Variants in HSD17B11 observed in about 807,000 individuals in gnomAD.
The protein encoded by HSD17B11 is estradiol 17-beta-dehydrogenase 11.
HSD17B11 carries 22 observed loss-of-function variants against 27.8 expected under a neutral mutation model. The ratio of observed to expected loss-of-function variants is 0.79; its 90% CI spans 0.56 to 1.13. HSD17B11 has a LOEUF of 1.13. HSD17B11 is among the 50% of genes most tolerant of loss of function. HSD17B11 has a pLI of 0.00. For synonymous variants in HSD17B11, 117 were observed against 132.8 expected (o/e 0.88, Z 0.82); for missense variants, 314 against 351.1 (o/e 0.89, Z 0.84).
intron 5 of HSD17B11, among the ~76,000 whole-genome samples, chr4:87,344,636 C>G (rs994888152): frequency 1.1e-3 from 166 of 152,276 alleles, no homozygotes; most frequent in African/African-American, 3.9e-3. Context: ...TTGAATAACA[C>G]TATAAATCAA....
At chr4:87,363,100 T>C (rs938780523) in intron 4 of HSD17B11, among the ~76,000 whole-genome samples, 1 of 152,120 alleles carries the variant, frequency 6.6e-6, no homozygotes, top group Non-Finnish European at 1.5e-5. Flanking sequence ...TTATCATGCA[T>C]ATTTTGCTCT....
intron 1 of HSD17B11, 100 bp downstream of exon 1, chr4:87,390,761 C>T (rs1159582282): frequency 1.3e-5 from 13 of 1,002,566 alleles, no homozygotes; most frequent in Admixed American, 1.3e-4. Context: ...TTTTTTCCTC[C>T]CTGCTTTGCA....
intron 4 of HSD17B11, among the ~76,000 whole-genome samples, chr4:87,371,221 AAAT>A (rs1435727675): frequency 6.6e-6 from 1 of 152,190 alleles, no homozygotes; most frequent in South Asian, 2.1e-4. Context: ...AAATGTTCAT[AAAT>A]AATAGAATGG....
At chr4:87,381,633 C>T (rs111954824) in intron 2 of HSD17B11, among the ~76,000 whole-genome samples, 8,457 of 151,650 alleles carry the variant, frequency 0.056, 438 homozygotes, top group African/African-American at 0.14. Context: ...GTGGCACACA[C>T]CTGTGGTCCC....
At chr4:87,364,519 ACT>A (rs889293889) in intron 4 of HSD17B11, among the ~76,000 whole-genome samples, 7 of 152,044 alleles carry the variant, frequency 4.6e-5, no homozygotes, top group South Asian at 4.2e-4. Flanking sequence ...GGGATACTTG[ACT>A]CTGCACACTT....
chr4:87,388,113 T>C (rs1329657634), intron 1 of HSD17B11, among the ~76,000 whole-genome samples: 2 of 144,170 alleles, frequency 1.4e-5, no homozygotes, highest in African/African-American at 2.6e-5. Context: ...TACTGTCTCA[T>C]AGAAATATAA....
chr4:87,384,154 G>T (rs887747911), intron 1 of HSD17B11, among the ~76,000 whole-genome samples: 1 of 152,108 alleles, frequency 6.6e-6, no homozygotes, highest in African/African-American at 2.4e-5. Flanking sequence ...CTGGAGCCGC[G>T]GCAAAGAACA....
chr4:87,369,560 C>T (rs544302862), intron 4 of HSD17B11, among the ~76,000 whole-genome samples: 2 of 151,870 alleles, frequency 1.3e-5, no homozygotes, highest in African/African-American at 2.4e-5. Context: ...CAGCCTCCTG[C>T]GTAGCTGGGA....
rs1720044553 is a variant in HSD17B11, at chr4:87,378,940, ATATATATTTATATATATATATT to A, written c.318+3293_318+3314del. 1.7e-4 allele frequency among the ~76,000 whole-genome samples: 3 copies of A among 17,256 alleles called. 1 individual carries two copies. The highest frequency in any genetic ancestry group is 9.4e-4 in the African/African-American group (3 of 3,196). 11.3% of individuals were successfully genotyped at this position (17,256 alleles called of 152,430 possible). A position where few individuals can be genotyped will look rare whatever the true frequency, so the allele number is the denominator to read the frequency against. Reference sequence around the variant, plus strand: ...TATAAATATATATAAATATATATATATATATATTTATATATATATATTTTTTTTTTTTTTTGAGATGGTGTCT... The same window carrying A: ...TATAAATATATATAAATATATATATATTTTTTTTTTTTTGAGATGGTGTCT... On this transcript the variant is annotated intron_variant, in intron 2 of 6. Transcript: ENST00000358290.
chr4:87,353,644 G>T (rs1735325590), intron 5 of HSD17B11, among the ~76,000 whole-genome samples: 1 of 152,154 alleles, frequency 6.6e-6, no homozygotes, highest in South Asian at 2.1e-4. Flanking sequence ...GAGGAGTTTG[G>T]CAATATGTAG....
intron 1 of HSD17B11, among the ~76,000 whole-genome samples, chr4:87,384,229 T>C (rs1436540515): frequency 1.3e-5 from 2 of 152,240 alleles, no homozygotes; most frequent in Admixed American, 1.3e-4. Context: ...TTTTATAATT[T>C]CTTATGCCTG....
At chr4:87,365,662 G>T (rs553590938) in intron 4 of HSD17B11, among the ~76,000 whole-genome samples, 1 of 152,118 alleles carries the variant, frequency 6.6e-6, no homozygotes, top group African/African-American at 2.4e-5. Context: ...AAAGTTGCTA[G>T]AAGTTAGCAT....
chr4:87,355,049 A>C (rs776235701), intron 5 of HSD17B11, among the ~76,000 whole-genome samples: 17 of 151,986 alleles, frequency 1.1e-4, no homozygotes, highest in Non-Finnish European at 2.2e-4. Flanking sequence ...GCCCAGTTCA[A>C]GGTTACAGTG....
chr4:87,345,952 G>A (rs1041923282), intron 5 of HSD17B11, among the ~76,000 whole-genome samples: 3 of 152,098 alleles, frequency 2.0e-5, no homozygotes, highest in African/African-American at 4.8e-5. Context: ...TCTGAGTCCC[G>A]AATTACCCCG....
rs145465626 is a variant in HSD17B11, at chr4:87,378,387, C to A, written c.319-3557G>T. On this transcript the variant is annotated intron_variant, in intron 2 of 6. Transcript: ENST00000358290. Reference sequence around the variant, plus strand: ...ATAGTAGTGTATATATTCAAGGTTACATGAGACATTTTGATACAGGCATGC... The same window carrying A: ...ATAGTAGTGTATATATTCAAGGTTAAATGAGACATTTTGATACAGGCATGC... 1.4e-3 allele frequency among the ~76,000 whole-genome samples: 213 copies of A among 152,152 alleles called. 1 individual carries two copies. Among genetic ancestry groups the A allele is most frequent in the African/African-American group, 4.8e-3 (201 of 41,506 alleles).
intron 1 of HSD17B11, among the ~76,000 whole-genome samples, chr4:87,382,996 T>C (rs1720214878): frequency 6.6e-6 from 1 of 152,222 alleles, no homozygotes; most frequent in Non-Finnish European, 1.5e-5. Context: ...CCTAATACAT[T>C]GTGATGAGTA....
At chr4:87,359,083 G>A (rs1290363288) in intron 4 of HSD17B11, among the ~76,000 whole-genome samples, 1 of 152,138 alleles carries the variant, frequency 6.6e-6, no homozygotes, top group Non-Finnish European at 1.5e-5. Flanking sequence ...TGCCATTTAA[G>A]ACATGCCTGC....
intron 4 of HSD17B11, among the ~76,000 whole-genome samples, chr4:87,362,574 G>T (rs933000295): frequency 6.6e-6 from 1 of 151,882 alleles, no homozygotes; most frequent in African/African-American, 2.4e-5. Flanking sequence ...AGATTTAGGG[G>T]GTTAGAGGAC....
Position 87,337,342 on chromosome 4 carries a change from T to C in HSD17B11, c.837A>G (p.Ala279=). The change falls in exon 7 of 7, where the codon GCA becomes GCG. Residue 279 remains alanine, a synonymous_variant. Coordinates refer to ENST00000358290, the MANE Select transcript of HSD17B11 (RefSeq NM_016245.5). The part of the protein sequence containing the change: ...LERILPERFL[A]VLKRKISVKF... ...TAACACTGATTTTTCGTTTTAAAAC[T>C]GCCAGGAAACGCTCAGGAAGGATCC... 1.9e-6 allele frequency: 3 copies of C among 1,597,834 alleles called. No individual in the cohort carries two copies. The highest frequency in any genetic ancestry group is 2.6e-6 in the Non-Finnish European group (3 of 1,166,886).
Sources: allele counts gnomAD v4.1 joint callset (sites outside exome capture counted in the v4.1 genomes callset), GRCh38; gene constraint gnomAD v4.1.1; transcripts MANE v1.5; gene names NCBI Gene and HGNC (gene_info 2026-07-23, HGNC 2026-07-21).